The following FOXN3 variants were observed in gnomAD, a reference collection of about 807,000 sequenced individuals.
The protein encoded by FOXN3 is forkhead box protein N3.
Under a neutral mutation model 38.4 loss-of-function variants are expected in FOXN3, and 7 were observed. The observed-to-expected ratio is 0.18, with a 90% confidence interval of 0.10 to 0.34. FOXN3 has a LOEUF of 0.34. Ranked by LOEUF, FOXN3 falls within the 10% of genes least tolerant of loss-of-function variation. The pLI is 1.00. For missense variants in FOXN3, 456 were observed against 613.4 expected (o/e 0.74, Z 2.71); for synonymous variants, 230 against 242.2 (o/e 0.95, Z 0.47).
chr14:89,223,441 C>T (rs1884533855), intron 4 of FOXN3: 2 of 152,482 alleles, frequency 1.3e-5, no homozygotes, highest in Admixed American at 1.3e-4. Context: ...TGATGGCTTC[C>T]TACATTTCGG....
At chr14:89,306,611 C>G (rs1273591877) in intron 3 of FOXN3, among the ~76,000 whole-genome samples, 3 of 152,136 alleles carry the variant, frequency 2.0e-5, no homozygotes, top group Non-Finnish European at 4.4e-5. Flanking sequence ...TCGTGATCCG[C>G]CCGCCTCAGC....
intron 3 of FOXN3, among the ~76,000 whole-genome samples, chr14:89,312,154 G>C (rs140103326): frequency 5.3e-5 from 8 of 150,672 alleles, no homozygotes; most frequent in Non-Finnish European, 1.2e-4. Flanking sequence ...GTGTGGTGGC[G>C]GGCACCTGTA....
chr14:89,546,329 C>CTTCTTTTTTT (rs1894879492), intron 1 of FOXN3, among the ~76,000 whole-genome samples: 1 of 78,314 alleles, frequency 1.3e-5, no homozygotes, highest in Non-Finnish European at 2.3e-5. Flanking sequence ...TTTCCTTTTT[C>CTTCTTTTTTT]TTTTTTTTTT....
intron 3 of FOXN3, among the ~76,000 whole-genome samples, chr14:89,304,163 G>C (rs1887303381): frequency 6.6e-6 from 1 of 152,210 alleles, no homozygotes; most frequent in South Asian, 2.1e-4. Flanking sequence ...CTTTAAAAGA[G>C]AGGCAGCTGT....
intron 4 of FOXN3, among the ~76,000 whole-genome samples, chr14:89,278,170 G>C (rs1408878840): frequency 6.6e-6 from 1 of 152,140 alleles, no homozygotes; most frequent in African/African-American, 2.4e-5. Flanking sequence ...CACGTGGCTG[G>C]AGAGGCCTCA....
At chr14:89,443,537 C>A (rs746711370) in intron 1 of FOXN3, among the ~76,000 whole-genome samples, 2 of 152,048 alleles carry the variant, frequency 1.3e-5, no homozygotes, top group Non-Finnish European at 2.9e-5. Context: ...GGAGGAAGGG[C>A]AGAACTTCAG....
intron 1 of FOXN3, among the ~76,000 whole-genome samples, chr14:89,441,460 A>G (rs1892381262): frequency 6.6e-6 from 1 of 152,252 alleles, no homozygotes; most frequent in African/African-American, 2.4e-5. Context: ...CCGGGGCAAG[A>G]GGAACACAGG....
At chr14:89,478,262 C>T (rs1465900463) in intron 1 of FOXN3, among the ~76,000 whole-genome samples, 3 of 152,190 alleles carry the variant, frequency 2.0e-5, no homozygotes, top group Non-Finnish European at 4.4e-5. Context: ...GAGGCCTCCT[C>T]AGAAGCAGAT....
intron 4 of FOXN3, among the ~76,000 whole-genome samples, chr14:89,205,874 A>T (rs547894543): frequency 6.6e-6 from 1 of 152,324 alleles, no homozygotes; most frequent in South Asian, 2.1e-4. Context: ...GGTTTGAGCA[A>T]TGGGGCACTG....
rs1359272993 is a variant in FOXN3 at position 89,511,173 on chromosome 14, CTTTCTTTCTTTCTTTCT to C, written c.-14-98700_-14-98684del. On this transcript the variant is annotated intron_variant, in intron 1 of 6. Transcript: ENST00000345097. ...TCTTTCTTTCTTTCTTTCTTTCTTT[CTTTCTTTCTTTCTTTCT>C]TTTCTTTCTTTCTTTTCTTTCTTTC... Among the ~76,000 whole-genome samples, 6 of 40,590 alleles carry C rather than the reference CTTTCTTTCTTTCTTTCT, an allele frequency of 1.5e-4. 1 individual carries two copies. Among genetic ancestry groups the C allele is most frequent in the African/African-American group, 4.6e-4 (6 of 13,010 alleles). The allele number at this position is 40,590 out of a possible 152,430, so 26.6% of individuals were successfully genotyped here. A position where few individuals can be genotyped will look rare whatever the true frequency, so the allele number is the denominator to read the frequency against.
At chr14:89,561,804 A>G (rs554016223) in intron 1 of FOXN3, among the ~76,000 whole-genome samples, 23 of 152,248 alleles carry the variant, frequency 1.5e-4, no homozygotes, top group African/African-American at 5.5e-4. Flanking sequence ...GGAGTTTAAC[A>G]TTTCCCCATT....
intron 4 of FOXN3, among the ~76,000 whole-genome samples, chr14:89,242,303 T>G (rs897440168): frequency 6.1e-4 from 55 of 90,706 alleles, no homozygotes; most frequent in African/African-American, 2.1e-3. Flanking sequence ...TCCAATAGAT[T>G]CCCTGCCCTC....
intron 1 of FOXN3, among the ~76,000 whole-genome samples, chr14:89,491,735 G>A (rs912599672): frequency 6.6e-6 from 1 of 152,186 alleles, no homozygotes; most frequent in Admixed American, 6.5e-5. Flanking sequence ...AATAAGATCC[G>A]TCTGTACCTT....
chr14:89,450,247 CCTCTT>C (rs1892588455), intron 1 of FOXN3, among the ~76,000 whole-genome samples: 1 of 151,854 alleles, frequency 6.6e-6, no homozygotes, highest in East Asian at 1.9e-4. Flanking sequence ...ATCTCTGTCT[CCTCTT>C]CTATTAAGAC....
At chr14:89,217,920 A>G (rs1884339082) in intron 4 of FOXN3, among the ~76,000 whole-genome samples, 1 of 152,262 alleles carries the variant, frequency 6.6e-6, no homozygotes, top group African/African-American at 2.4e-5. Context: ...CACTCAGGCA[A>G]AATGAACCGA....
At position 89,180,951 on chromosome 14, in the gene FOXN3, CAT is replaced by C. The variant is rs1264763162; in HGVS notation, c.746-147_746-146del. On this transcript the variant is annotated intron_variant, in intron 4 of 5. Transcript: ENST00000557258. ...AGAGAAACACACACACACACGTGCA[CAT>C]ACACACACACACACACAGTCACACA... The C allele has an allele frequency of 3.4e-4, 169 of 504,040 alleles. 2 individuals are homozygous for C. The African/African-American group carries it at 5.9e-3, about 18-fold the overall frequency. The allele number at this position is 504,040 out of a possible 1,614,324, so 31.2% of individuals were successfully genotyped here.
intron 1 of FOXN3, among the ~76,000 whole-genome samples, chr14:89,578,314 A>T (rs1256088364): frequency 6.6e-6 from 1 of 152,092 alleles, no homozygotes; most frequent in East Asian, 1.9e-4. Flanking sequence ...TTTGCTAGCT[A>T]ATCTTTTTTC....
At chr14:89,392,351 T>C (rs913113455) in intron 2 of FOXN3, among the ~76,000 whole-genome samples, 1 of 152,252 alleles carries the variant, frequency 6.6e-6, no homozygotes, top group African/African-American at 2.4e-5. Flanking sequence ...AACTCACTGC[T>C]ACTTCTTTCT....
chr14:89,592,172 A>T (rs1464220233), intron 1 of FOXN3, among the ~76,000 whole-genome samples: 1 of 152,222 alleles, frequency 6.6e-6, no homozygotes, highest in Admixed American at 6.5e-5. Context: ...AAAGTAAGGC[A>T]ATAAGACAAA....
Sources: gnomAD v4.1 joint callset for allele counts (sites outside exome capture counted in the v4.1 genomes callset) on GRCh38, gnomAD v4.1.1 for gene constraint, MANE v1.5 for transcripts, NCBI Gene and HGNC (gene_info 2026-07-23, HGNC 2026-07-21) for gene names.